Variants in ADGB observed in about 807,000 individuals in gnomAD.
The protein encoded by ADGB is calpain-7-like protein.
Under a neutral mutation model 210.5 loss-of-function variants are expected in ADGB, and 172 were observed. The ratio of observed to expected loss-of-function variants is 0.82; its 90% confidence interval spans 0.72 to 0.93. The LOEUF (loss-of-function observed/expected upper bound fraction) is 0.93, where lower values mean the gene tolerates loss of function less well. Among genes scored for constraint, ADGB ranks in the 40% least tolerant of loss-of-function variants. The probability of loss-of-function intolerance (pLI) is 0.00; values close to 1 mark genes in which losing one functional copy is unlikely to be tolerated. For missense variants in ADGB, 2,025 were observed against 1,964.8 expected (o/e 1.03, Z -0.58); for synonymous variants, 658 against 662.7 (o/e 0.99, Z 0.11).
At chr6:146,705,952 C>A (rs188353243) in intron 13 of ADGB, among the ~76,000 whole-genome samples, 3 of 152,180 alleles carry the variant, frequency 2.0e-5, no homozygotes, top group Non-Finnish European at 2.9e-5. Flanking sequence ...GATATAGGGT[C>A]TTTCCCTGTT....
At chr6:146,635,584 T>G in intron 2 of ADGB, 47 bp downstream of exon 2, 1 of 1,445,014 alleles carries the variant, frequency 6.9e-7, no homozygotes, top group East Asian at 2.6e-5. Flanking sequence ...TTTTTAATTT[T>G]ATAATGGAAT....
intron 16 of ADGB, among the ~76,000 whole-genome samples, chr6:146,718,110 T>G (rs1249373540): frequency 6.6e-6 from 1 of 152,022 alleles, no homozygotes; most frequent in African/African-American, 2.4e-5. Flanking sequence ...AGGCTTCCCT[T>G]CCCTGGCCAT....
chr6:146,788,607 A>T lies in ADGB; in HGVS notation c.4534A>T (p.Ile1512Phe). The change falls in exon 33 of 36, where the codon ATT becomes TTT. Residue 1512 changes from isoleucine (I) to phenylalanine (F), a missense_variant. Transcript: ENST00000397944. ...CGAGCAGAGCACACGGAAGGAAAAC[A>T]TTCGTAAGTATTGCTGTCATTGGTA... ...EREQSTRKEN[I>F]QTGPRTRSPT... 1 of 1,550,296 alleles carries T rather than the reference A, an allele frequency of 6.5e-7. No individual in the cohort carries two copies. Among genetic ancestry groups the T allele is most frequent in the Non-Finnish European group, 8.7e-7 (1 of 1,145,836 alleles).
intron 27 of ADGB, 36 bp downstream of exon 27, chr6:146,752,750 A>T: frequency 6.8e-7 from 1 of 1,462,990 alleles, no homozygotes; most frequent in Non-Finnish European, 9.1e-7. Flanking sequence ...AGTTAGATTC[A>T]TAAATGGATA....
intron 1 of ADGB, among the ~76,000 whole-genome samples, chr6:146,613,776 T>C (rs1780745494): frequency 6.6e-6 from 1 of 152,126 alleles, no homozygotes; most frequent in South Asian, 2.1e-4. Flanking sequence ...ACTTTTCAAT[T>C]GACTTCAGAG....
At chr6:146,809,740 T>C (rs912797027) in intron 35 of ADGB, among the ~76,000 whole-genome samples, 5 of 152,184 alleles carry the variant, frequency 3.3e-5, no homozygotes, top group Admixed American at 1.3e-4. Flanking sequence ...AAAAATGATG[T>C]TGGGAAAACT....
chr6:146,635,180 A>G (rs78947519), intron 1 of ADGB, among the ~76,000 whole-genome samples, 195 bp from the exon 2 acceptor site: 8,191 of 152,060 alleles, frequency 0.054, 741 homozygotes, highest in African/African-American at 0.18. Context: ...TAGCTTATGA[A>G]ATAAACTCTT....
At chr6:146,655,227 T>G (rs370305157) in intron 4 of ADGB, among the ~76,000 whole-genome samples, 1 of 152,160 alleles carries the variant, frequency 6.6e-6, no homozygotes, top group Admixed American at 6.6e-5. Context: ...GAGATCCACA[T>G]GACCAGCAAT....
intron 25 of ADGB, among the ~76,000 whole-genome samples, chr6:146,744,947 T>A (rs1443774258): frequency 6.6e-6 from 1 of 152,170 alleles, no homozygotes; most frequent in African/African-American, 2.4e-5. Context: ...AATAAAAATA[T>A]CAATACATAT....
At chr6:146,745,153 T>C (rs570169456) in intron 25 of ADGB, among the ~76,000 whole-genome samples, 1 of 152,338 alleles carries the variant, frequency 6.6e-6, no homozygotes, top group African/African-American at 2.4e-5. Context: ...TTTTTACTTC[T>C]GGAAATCTAA....
intron 5 of ADGB, among the ~76,000 whole-genome samples, chr6:146,660,216 T>C (rs1199647796): frequency 6.6e-6 from 1 of 152,196 alleles, no homozygotes; most frequent in East Asian, 1.9e-4. Flanking sequence ...GACATTTTTG[T>C]TCATTAAATT....
chr6:146,722,459 C>T (rs952027296), intron 17 of ADGB, among the ~76,000 whole-genome samples: 3 of 152,192 alleles, frequency 2.0e-5, no homozygotes, highest in Middle Eastern at 3.2e-3. Flanking sequence ...AAACTTGATG[C>T]ATATCCAACC....
chr6:146,778,763 C>G (rs143208001), intron 29 of ADGB, among the ~76,000 whole-genome samples: 2 of 152,094 alleles, frequency 1.3e-5, no homozygotes, highest in Non-Finnish European at 2.9e-5. Flanking sequence ...TCCACTATCC[C>G]AGGACCCTAT....
chr6:146,661,226 T>C (rs1244000859), intron 5 of ADGB, among the ~76,000 whole-genome samples: 15 of 145,792 alleles, frequency 1.0e-4, no homozygotes, highest in African/African-American at 3.8e-4. Flanking sequence ...TTTTCTTTTT[T>C]TTTTTTTTTT....
Position 146,788,571 on chromosome 6 carries a change from AAAG to A in ADGB, c.4503_4505del (p.Glu1502del), listed in dbSNP as rs1583639641. On this transcript the variant is annotated inframe_deletion, in exon 33 of 36. Coordinates refer to ENST00000397944, the MANE Select transcript of ADGB (RefSeq NM_024694.4). ...AAGTGGAGGAGTGTCTTCACCAGGG[AAAG>A]AAGAGCGCGAGCAGAGCACACGGAA... The A allele has an allele frequency of 1.9e-6, 3 of 1,551,788 alleles. No homozygotes were observed. The highest frequency in any genetic ancestry group is 1.7e-6 in the Non-Finnish European group (2 of 1,146,958).
At chr6:146,793,727 G>C (rs978482960) in intron 33 of ADGB, among the ~76,000 whole-genome samples, 1 of 152,216 alleles carries the variant, frequency 6.6e-6, no homozygotes, top group African/African-American at 2.4e-5. Flanking sequence ...GTTGGTATAA[G>C]AGTTTGAAAG....
intron 2 of ADGB, among the ~76,000 whole-genome samples, chr6:146,644,520 A>G (rs1775576962): frequency 6.6e-6 from 1 of 151,854 alleles, no homozygotes; most frequent in Non-Finnish European, 1.5e-5. Context: ...TACCTCCTAT[A>G]CAATCAAAAT....
intron 5 of ADGB, among the ~76,000 whole-genome samples, chr6:146,660,013 T>A (rs1775833756): frequency 6.6e-6 from 1 of 152,218 alleles, no homozygotes; most frequent in African/African-American, 2.4e-5. Flanking sequence ...GATTGAGCCT[T>A]ATACTGCTTA....
chr6:146,639,766 A>C (rs1433444567), intron 2 of ADGB: 4 of 151,976 alleles, frequency 2.6e-5, no homozygotes, highest in Non-Finnish European at 5.9e-5. Flanking sequence ...TGGCCCCTGC[A>C]CAAGCATGCC....
Sources: gnomAD v4.1 joint callset for allele counts (sites outside exome capture counted in the v4.1 genomes callset) on GRCh38, gnomAD v4.1.1 for gene constraint, MANE v1.5 for transcripts, NCBI Gene and HGNC (gene_info 2026-07-23, HGNC 2026-07-21) for gene names.